SLC14A2: variants seen among roughly 807,000 people sequenced by gnomAD.
The protein encoded by SLC14A2 is solute carrier family 14 member 2.
A neutral mutation model predicts 104.6 loss-of-function variants in SLC14A2; 91 were observed. The ratio of observed to expected loss-of-function variants is 0.87; its 90% CI spans 0.73 to 1.04. The LOEUF (loss-of-function observed/expected upper bound fraction) is 1.04, where lower values mean the gene tolerates loss of function less well. Among genes scored for constraint, SLC14A2 ranks in the 50% least tolerant of loss-of-function variants. The probability of loss-of-function intolerance (pLI) is 0.00; values close to 1 mark genes in which losing one functional copy is unlikely to be tolerated. For missense variants in SLC14A2, 1,189 were observed against 1,156.0 expected, an observed-to-expected ratio of 1.03 and a Z score of -0.41; for synonymous variants, 476 against 466.4, an observed-to-expected ratio of 1.02 and a Z score of -0.27.
chr18:45,565,094 C>G (rs980307438), intron 2 of SLC14A2, among the ~76,000 whole-genome samples: 7 of 149,616 alleles, frequency 4.7e-5, no homozygotes, highest in African/African-American at 1.7e-4. Context: ...GTGCCTGCAA[C>G]TATGGTGTAT....
In SLC14A2 at chr18:45,609,851, A is replaced by G. The variant is rs192732208; in HGVS notation, c.-34-14780A>G. On this transcript the variant is annotated intron_variant, in intron 2 of 20. Transcript: ENST00000586448. The stretch of plus-strand genomic sequence containing the variant: ...ACCCTGAGCAGGCTGCTTAGGAAGC[A>G]GTGATTTAAATTCCACTGGCCAAGA... Among the ~76,000 whole-genome samples the G allele has an allele frequency of 3.8e-3, 574 of 152,334 alleles. 7 individuals carry two copies. The highest frequency in any genetic ancestry group is 0.013 in the African/African-American group (552 of 41,582).
chr18:45,557,416 G>C (rs778643565), intron 2 of SLC14A2, among the ~76,000 whole-genome samples: 1 of 152,220 alleles, frequency 6.6e-6, no homozygotes, highest in Admixed American at 6.5e-5. Context: ...ATGTGTGTAA[G>C]TTGCATTTAT....
In SLC14A2 at chr18:45,327,045, G is replaced by T. The variant is rs60168393; in HGVS notation, c.-125+113854G>T. The stretch of plus-strand genomic sequence containing the variant: ...GTCTATCTCTCCATCCATCCATCCA[G>T]CCAGCCAGCCAGCCATCTAGCTAGC... On this transcript the variant is annotated intron_variant, in intron 1 of 20. Transcript: ENST00000586448. Among the ~76,000 whole-genome samples the T allele has an allele frequency of 4.1e-3, 605 of 146,944 alleles. 3 individuals are homozygous for T. The highest frequency in any genetic ancestry group is 0.014 in the African/African-American group (542 of 38,178).
intron 6 of SLC14A2, 58 bp downstream of exon 6, chr18:45,637,240 C>T: frequency 2.1e-6 from 3 of 1,420,592 alleles, no homozygotes; most frequent in Middle Eastern, 1.8e-4. Context: ...GACCTTCTCG[C>T]CAACCAATTT....
chr18:45,634,450 G>A (rs913132189), intron 5 of SLC14A2, among the ~76,000 whole-genome samples: 1 of 152,242 alleles, frequency 6.6e-6, no homozygotes, highest in African/African-American at 2.4e-5. Flanking sequence ...GACAGCAAAT[G>A]ATTCCAGACA....
intron 2 of SLC14A2, among the ~76,000 whole-genome samples, chr18:45,570,601 AC>A (rs1472779075): frequency 3.9e-5 from 6 of 152,186 alleles, no homozygotes; most frequent in African/African-American, 1.4e-4. Context: ...CAAGCAATAT[AC>A]CTTCTATCCT....
the SLC14A2 span, among the ~76,000 whole-genome samples, chr18:45,180,645 A>G: frequency 1.3e-5 from 2 of 152,186 alleles, no homozygotes; most frequent in African/African-American, 4.8e-5. Context: ...GTATCAAGGA[A>G]GTATAATAAA....
intron 2 of SLC14A2, among the ~76,000 whole-genome samples, chr18:45,572,046 T>A (rs1380036373): frequency 6.6e-6 from 1 of 152,186 alleles, no homozygotes; most frequent in East Asian, 1.9e-4. Context: ...ATGGATTTTT[T>A]TAAAGCTCCC....
intron 1 of SLC14A2, among the ~76,000 whole-genome samples, chr18:45,344,645 C>T (rs549843261): frequency 6.6e-5 from 10 of 152,082 alleles, no homozygotes; most frequent in African/African-American, 2.2e-4. Context: ...CAGTAAGGTA[C>T]CTTATGATAA....
intron 2 of SLC14A2, among the ~76,000 whole-genome samples, chr18:45,565,168 A>G (rs2044250302): frequency 6.8e-6 from 1 of 147,122 alleles, no homozygotes; most frequent in Non-Finnish European, 1.5e-5. Flanking sequence ...TCTGTCGCCC[A>G]GGCTGAAGGG....
At chr18:45,257,077 A>G (rs1465042181) in intron 1 of SLC14A2, among the ~76,000 whole-genome samples, 1 of 152,198 alleles carries the variant, frequency 6.6e-6, no homozygotes, top group African/African-American at 2.4e-5. Flanking sequence ...TGCTACCCTT[A>G]CCTTCTTTCC....
chr18:45,629,866 C>CCTACAGTA (rs2045318183), intron 4 of SLC14A2, among the ~76,000 whole-genome samples: 1 of 152,186 alleles, frequency 6.6e-6, no homozygotes, highest in Admixed American at 6.5e-5. Flanking sequence ...TTTGATGGGT[C>CCTACAGTA]CTACAGTACC....
At chr18:45,577,515 A>G (rs924800013) in intron 2 of SLC14A2, among the ~76,000 whole-genome samples, 1 of 152,180 alleles carries the variant, frequency 6.6e-6, no homozygotes, top group African/African-American at 2.4e-5. Flanking sequence ...AGTATTCACA[A>G]AATGTCATTT....
At chr18:45,449,466 T>C (rs2086824199) in intron 1 of SLC14A2, among the ~76,000 whole-genome samples, 1 of 152,176 alleles carries the variant, frequency 6.6e-6, no homozygotes, top group Admixed American at 6.5e-5. Flanking sequence ...CTCATACACA[T>C]AAACTTCCTG....
intron 2 of SLC14A2, among the ~76,000 whole-genome samples, chr18:45,542,682 G>A (rs1199757218): frequency 6.6e-6 from 1 of 152,142 alleles, no homozygotes; most frequent in African/African-American, 2.4e-5. Flanking sequence ...GTACCCTAGA[G>A]GCTTAGCTCA....
intron 1 of SLC14A2, among the ~76,000 whole-genome samples, chr18:45,273,536 C>G (rs944424955): frequency 6.6e-6 from 1 of 152,090 alleles, no homozygotes; most frequent in Non-Finnish European, 1.5e-5. Flanking sequence ...ATACAACCAT[C>G]AAATACTTCT....
At chr18:45,666,021 T>C in intron 11 of SLC14A2, 116 bp from the exon 12 acceptor site, 1 of 696,260 alleles carries the variant, frequency 1.4e-6, no homozygotes, top group South Asian at 1.8e-5. Context: ...GCTTCCTCAG[T>C]AGGAACAGGA....
At chr18:45,366,759 G>A (rs79093690) in intron 1 of SLC14A2, among the ~76,000 whole-genome samples, 2,437 of 152,282 alleles carry the variant, frequency 0.016, 33 homozygotes, top group Non-Finnish European at 0.025. Context: ...GAGGGAACTG[G>A]CTCAGCTGGT....
intron 4 of SLC14A2, among the ~76,000 whole-genome samples, chr18:45,630,021 GCTCTCTGAACTTTTCTTT>G (rs2045320382): frequency 6.6e-6 from 1 of 152,134 alleles, no homozygotes; most frequent in South Asian, 2.1e-4. Context: ...TTCCCTCTAT[GCTCTCTGAACTTTTCTTT>G]CTCTCTGAAC....
Sources: allele counts gnomAD v4.1 joint callset (sites outside exome capture counted in the v4.1 genomes callset), GRCh38; gene constraint gnomAD v4.1.1; transcripts MANE v1.5; gene names NCBI Gene and HGNC (gene_info 2026-07-23, HGNC 2026-07-21).